The following NAT10 variants were observed in gnomAD, a reference collection of about 807,000 sequenced individuals.
NAT10 encodes N-acetyltransferase 10.
NAT10 carries 109 observed loss-of-function variants against 132.2 expected under a neutral mutation model. The observed-to-expected ratio is 0.82, with a 90% CI of 0.71 to 0.97. The LOEUF is 0.97. NAT10 is among the 50% of genes least tolerant of loss of function. The pLI is 0.00. For synonymous variants in NAT10, 479 were observed against 478.0 expected, an observed-to-expected ratio of 1.00 and a Z score of -0.03; for missense variants, 1,184 against 1,263.4, an observed-to-expected ratio of 0.94 and a Z score of 0.95.
intron 6 of NAT10, 34 bp downstream of exon 6, chr11:34,115,918 C>T (rs967019581): frequency 5.6e-6 from 9 of 1,603,860 alleles, no homozygotes; most frequent in East Asian, 2.2e-5. Context: ...TGTGGGGCAG[C>T]CACATTGGGA....
chr11:34,117,172 C>G (rs557785453), intron 6 of NAT10, among the ~76,000 whole-genome samples: 1 of 152,150 alleles, frequency 6.6e-6, no homozygotes. Context: ...CAGCAGGGAC[C>G]TGTTTAACTG....
At chr11:34,138,989 C>A in intron 21 of NAT10, 2 of 566,330 alleles carry the variant, frequency 3.5e-6, no homozygotes, top group Non-Finnish European at 3.2e-6. Context: ...GTGATCTTTG[C>A]AGCTGTTGTG....
chr11:34,141,698 T>C (rs556679301), intron 25 of NAT10, 21 bp from the exon 26 acceptor site: 15 of 1,611,128 alleles, frequency 9.3e-6, no homozygotes, highest in Middle Eastern at 3.3e-4. Flanking sequence ...CTTCTGCTTC[T>C]CTGTTGGTTG....
Position 34,136,732 on chromosome 11 carries a change from G to A in NAT10, c.2119G>A (p.Asp707Asn), listed in dbSNP as rs1852222130. 2 of 1,614,016 alleles carry A rather than the reference G, an allele frequency of 1.2e-6. No homozygotes were observed. The change falls in exon 20 of 29, where the codon GAT becomes AAT. Residue 707 changes from aspartate to asparagine, a missense_variant. Asp to Asn is a conservative substitution (Grantham distance 23, BLOSUM62 1). Coordinates refer to ENST00000257829, the MANE Select transcript of NAT10 (RefSeq NM_024662.3). ...KLNERPAERL[D>N]YLGVSYGLTP... Reference sequence around the variant, plus strand: ...GAATGAGAGGCCTGCCGAACGCCTGGATTACCTGGGTGTTTCCTATGGCTT... The same window carrying A: ...GAATGAGAGGCCTGCCGAACGCCTGAATTACCTGGGTGTTTCCTATGGCTT...
chr11:34,114,137 G>T (rs1394151349), intron 5 of NAT10, among the ~76,000 whole-genome samples: 1 of 152,150 alleles, frequency 6.6e-6, no homozygotes, highest in Admixed American at 6.5e-5. Context: ...GAATGATATT[G>T]TACAAGGAGC....
At chr11:34,112,700 C>G (rs546282468) in intron 4 of NAT10, among the ~76,000 whole-genome samples, 1 of 152,356 alleles carries the variant, frequency 6.6e-6, no homozygotes, top group South Asian at 2.1e-4. Flanking sequence ...AAAAACCCCT[C>G]ACTTTACCTC....
rs1852115575 is a variant in NAT10, at chr11:34,132,054, C to T, written c.1521-71C>T. 3 of 1,144,208 alleles carry T rather than the reference C, an allele frequency of 2.6e-6. No individual in the cohort carries two copies. The African/African-American group carries it at 4.6e-5, about 17-fold the overall frequency. The allele number at this position is 1,144,208 out of a possible 1,614,324, so 70.9% of individuals were successfully genotyped here. ...CTGTTCCCAGCTACGGAAATTTGTT[C>T]TGCCTCCAGAGAGTAGTATGACCTG... On this transcript the variant is annotated intron_variant, in intron 14 of 28. Coordinates refer to ENST00000257829, the MANE Select transcript of NAT10 (RefSeq NM_024662.3).
Position 34,135,192 on chromosome 11 carries a change from T to C in NAT10, c.1929T>C (p.Arg643=). The change falls in exon 19 of 29, where the codon CGT becomes CGC. Residue 643 remains arginine, a synonymous_variant. Coordinates refer to ENST00000257829, the MANE Select transcript of NAT10 (RefSeq NM_024662.3). ...PDYQGMGYGS[R]ALQLLQMYYE... ...GCTCCTAGATGGGCTATGGCAGCCG[T>C]GCTCTGCAGCTGCTGCAGATGTACT... 6.2e-7 allele frequency: 1 copy of C among 1,613,892 alleles called. No homozygotes were observed. The highest frequency in any genetic ancestry group is 8.5e-7 in the Non-Finnish European group (1 of 1,179,776).
At chr11:34,130,444 AT>A (rs1852084429) in intron 12 of NAT10, among the ~76,000 whole-genome samples, 1 of 152,194 alleles carries the variant, frequency 6.6e-6, no homozygotes, top group Non-Finnish European at 1.5e-5. Flanking sequence ...TAAAGCCTTT[AT>A]GCTAAAGGCT....
At chr11:34,125,158 A>G (rs559086979) in intron 11 of NAT10, among the ~76,000 whole-genome samples, 2 of 152,220 alleles carry the variant, frequency 1.3e-5, no homozygotes, top group Admixed American at 6.5e-5. Context: ...TTAAGTGTTT[A>G]TGCCTTTCAC....
Position 34,143,331 on chromosome 11 carries a change from C to T in NAT10, c.2886-114C>T. ...CTGTTCAAATGCTGACACAGCTCAG[C>T]CTGGCTTTCATGACAGGAAGTGTCT... On this transcript the variant is annotated intron_variant, in intron 27 of 28. Transcript: ENST00000257829. 4 of 899,704 alleles carry T rather than the reference C, an allele frequency of 4.4e-6. No homozygotes were observed. The South Asian group carries it at 5.1e-5, about 11-fold the overall frequency. 55.7% of individuals were successfully genotyped at this position (899,704 alleles called of 1,614,324 possible).
At chr11:34,132,958 A>G (rs1266647462) in intron 15 of NAT10, 68 bp from the exon 16 acceptor site, 2 of 1,291,352 alleles carry the variant, frequency 1.5e-6, no homozygotes, top group Middle Eastern at 1.8e-4. Context: ...TGTGGTTCTG[A>G]ATCGAACCTT....
chr11:34,115,574 A>T (rs941180336), intron 5 of NAT10, among the ~76,000 whole-genome samples: 6 of 152,262 alleles, frequency 3.9e-5, no homozygotes, highest in African/African-American at 1.2e-4. Context: ...TGCCAATTTT[A>T]TGAAATAAAT....
intron 5 of NAT10, among the ~76,000 whole-genome samples, 165 bp downstream of exon 5, chr11:34,114,003 TA>T (rs1195046823): frequency 6.6e-6 from 1 of 152,242 alleles, no homozygotes; most frequent in African/African-American, 2.4e-5. Context: ...TCACTACAGT[TA>T]AATCTCAGGG....
intron 13 of NAT10, 30 bp downstream of exon 13, chr11:34,130,967 G>A (rs748971403): frequency 1.2e-6 from 2 of 1,612,420 alleles, no homozygotes; most frequent in Non-Finnish European, 8.5e-7. Flanking sequence ...GGGTCCCGCG[G>A]TTCACAGCAA....
rs767380782 is a variant in NAT10 at position 34,130,383 on chromosome 11, C to G, written c.1245-430C>G. ...TCCTTATGCACCGTACTTCTAAAAG[C>G]AGCTCCGTTAGTTGACCATTTAACT... On this transcript the variant is annotated intron_variant, in intron 12 of 28. Coordinates refer to ENST00000257829, the MANE Select transcript of NAT10 (RefSeq NM_024662.3). Among the ~76,000 whole-genome samples the G allele has an allele frequency of 7.2e-5, 11 of 152,330 alleles. No individual in the cohort carries two copies. In the South Asian group the frequency reaches 1.9e-3, roughly 26 times the overall value.
In NAT10 at chr11:34,146,236, TCTCA is replaced by T. The variant is rs1266321785; in HGVS notation, c.*47_*50del. The stretch of plus-strand genomic sequence containing the variant: ...TCTGTGTTTGATCATGGGAAGATAC[TCTCA>T]CTAACTGAACCCTCTCTGGCTGGAC... On this transcript the variant is annotated 3_prime_UTR_variant, in exon 29 of 29. Coordinates refer to ENST00000257829, the MANE Select transcript of NAT10 (RefSeq NM_024662.3). 1 of 1,382,866 alleles carries T rather than the reference TCTCA, an allele frequency of 7.2e-7. No homozygotes were observed. 85.7% of individuals were successfully genotyped at this position (1,382,866 alleles called of 1,614,324 possible).
chr11:34,111,536 C>T (rs1410397880), intron 3 of NAT10, among the ~76,000 whole-genome samples: 1 of 152,126 alleles, frequency 6.6e-6, no homozygotes, highest in Non-Finnish European at 1.5e-5. Flanking sequence ...CCATTCTGAT[C>T]CCTGTGTCCT....
chr11:34,141,345 A>ACACACACGTGCGCGCG, intron 25 of NAT10, 137 bp downstream of exon 25: 2 of 1,281,556 alleles, frequency 1.6e-6, no homozygotes, highest in Admixed American at 2.2e-5. Flanking sequence ...ACACACACAC[A>ACACACACGTGCGCGCG]CAAATCCAGG....
Sources: allele counts gnomAD v4.1 joint callset (sites outside exome capture counted in the v4.1 genomes callset), GRCh38; gene constraint gnomAD v4.1.1; transcripts MANE v1.5; gene names NCBI Gene and HGNC (gene_info 2026-07-23, HGNC 2026-07-21).